The following ANKRD26 variants were observed in gnomAD, a reference collection of about 807,000 sequenced individuals.
ANKRD26 encodes the protein ankyrin repeat domain 26.
In ANKRD26, 141 loss-of-function variants were observed where a neutral mutation model predicts 208.7. The observed-to-expected ratio is 0.68, with a 90% CI of 0.59 to 0.78. The LOEUF (loss-of-function observed/expected upper bound fraction) is 0.78, where lower values mean the gene tolerates loss of function less well. Among genes scored for constraint, ANKRD26 ranks in the 30% least tolerant of loss-of-function variants. ANKRD26 has a pLI of 0.00. For missense variants in ANKRD26, 1,889 were observed against 1,938.7 expected (o/e 0.97, Z 0.48); for synonymous variants, 636 against 660.4 (o/e 0.96, Z 0.57).
intron 5 of ANKRD26, among the ~76,000 whole-genome samples, chr10:27,085,202 G>A (rs1019509048): frequency 1.5e-4 from 23 of 151,974 alleles, no homozygotes; most frequent in African/African-American, 4.8e-4. Context: ...CCAGGTTCAA[G>A]CCATTCTCCT....
In ANKRD26 at chr10:27,093,444, C is replaced by T. The variant is rs756910865; in HGVS notation, c.436G>A (p.Gly146Ser). Residue 146 changes from glycine to serine, a missense_variant, in exon 3 of 34, where the codon GGC (glycine) becomes AGC (serine). This residue lies in a region of ANKRD26 where 1,272 missense variants were observed against 1,273.8 expected (regional missense o/e 1.00). Transcript: ENST00000376087. ...GADPNLADVH[G>S]NTALHYAVYN... ...ACAGCATAGTGAAGAGCAGTGTTGC[C>T]ATGGACATCCGCAAGATTTGGATCA... 15 of 1,614,132 alleles carry T rather than the reference C, an allele frequency of 9.3e-6. No individual in the cohort carries two copies. In the East Asian group the frequency reaches 3.3e-4, roughly 36 times the overall value.
chr10:27,010,179 T>C (rs756193805), intron 32 of ANKRD26, among the ~76,000 whole-genome samples: 13 of 152,216 alleles, frequency 8.5e-5, no homozygotes, highest in Non-Finnish European at 1.3e-4. Context: ...TGAAAGTCAC[T>C]TGACCTGACA....
Position 27,004,933 on chromosome 10 carries a change from G to T in ANKRD26, c.*657C>A. The T allele has an allele frequency of 1.7e-6, 1 of 594,448 alleles. No homozygotes were observed. Among genetic ancestry groups the T allele is most frequent in the Non-Finnish European group, 2.1e-6 (1 of 473,202 alleles). The allele number at this position is 594,448 out of a possible 1,614,324, so 36.8% of individuals were successfully genotyped here. A position where few individuals can be genotyped will look rare whatever the true frequency, so the allele number is the denominator to read the frequency against. On this transcript the variant is annotated 3_prime_UTR_variant, in exon 34 of 34. Coordinates refer to ENST00000376087, the MANE Select transcript of ANKRD26 (RefSeq NM_014915.3). ...TTATGTAGAATGTCCTGACTTGTAG[G>T]AATGCCCACTAAAGTAATCAGGGGT...
At chr10:27,038,123 C>A (rs551848373) in intron 21 of ANKRD26, 69 bp from the exon 22 acceptor site, 14 of 1,286,770 alleles carry the variant, frequency 1.1e-5, no homozygotes, top group African/African-American at 1.5e-5. Context: ...TGTGATATGC[C>A]GCTTTGTATG....
chr10:26,982,686 A>G (rs1352689463), intron 4 of ANKRD26, among the ~76,000 whole-genome samples: 1 of 152,196 alleles, frequency 6.6e-6, no homozygotes. Context: ...CATAAGGGAA[A>G]GTAAACCTGG....
intron 15 of ANKRD26, among the ~76,000 whole-genome samples, chr10:27,055,676 T>C (rs920064592): frequency 8.5e-5 from 13 of 152,176 alleles, no homozygotes; most frequent in African/African-American, 3.1e-4. Context: ...CAAATATTCC[T>C]AGTGAACAAC....
At chr10:26,987,285 T>TG (rs556997180), downstream of ANKRD26, among the ~76,000 whole-genome samples, 1,539 of 150,474 alleles carry the variant, frequency 0.01, 118 homozygotes, top group East Asian at 0.14. Flanking sequence ...TGTTGTGGGG[T>TG]GGGGGTATGG....
chr10:27,030,671 T>G, intron 25 of ANKRD26: 1 of 847,460 alleles, frequency 1.2e-6, no homozygotes, highest in Non-Finnish European at 1.4e-6. Flanking sequence ...ATTGAATAAC[T>G]TTCCTTTACT....
At chr10:27,064,489 A>G (rs1199022230) in intron 11 of ANKRD26, among the ~76,000 whole-genome samples, 1 of 152,200 alleles carries the variant, frequency 6.6e-6, no homozygotes, top group African/African-American at 2.4e-5. Context: ...GAGGGAAAAA[A>G]AAGTGTATTT....
At chr10:26,960,099 C>T in the ANKRD26 span, among the ~76,000 whole-genome samples, 9 of 151,688 alleles carry the variant, frequency 5.9e-5, no homozygotes, top group South Asian at 1.0e-3. Flanking sequence ...GAGTTGGAGG[C>T]GACAGCACCA....
chr10:27,009,311 A>G (rs2053008993), intron 32 of ANKRD26, among the ~76,000 whole-genome samples: 1 of 152,180 alleles, frequency 6.6e-6, no homozygotes, highest in African/African-American at 2.4e-5. Flanking sequence ...CTGTGTTGAC[A>G]AGTCTGGTTT....
chr10:27,000,302 T>C (rs2052693742), downstream of ANKRD26, among the ~76,000 whole-genome samples: 1 of 152,176 alleles, frequency 6.6e-6, no homozygotes. Context: ...AGAATATTCA[T>C]CATAAAAACA....
chr10:26,952,705 C>T, the ANKRD26 span, among the ~76,000 whole-genome samples: 2 of 152,180 alleles, frequency 1.3e-5, no homozygotes, highest in African/African-American at 2.4e-5. Flanking sequence ...TGAAGTTCCT[C>T]AAGACTTCCA....
chr10:27,019,979 C>T (rs926454899), intron 29 of ANKRD26, among the ~76,000 whole-genome samples: 1 of 152,202 alleles, frequency 6.6e-6, no homozygotes, highest in African/African-American at 2.4e-5. Context: ...TCCTAGGCTG[C>T]CTTTGTGTCC....
chr10:27,080,963 C>T (rs1367313207), intron 6 of ANKRD26: 1 of 985,130 alleles, frequency 1.0e-6, no homozygotes, highest in Non-Finnish European at 1.2e-6. Flanking sequence ...GACACCTGCC[C>T]TGGGCCACAG....
At chr10:26,947,903 AGAGTT>A in the ANKRD26 span, among the ~76,000 whole-genome samples, 5 of 152,358 alleles carry the variant, frequency 3.3e-5, 1 homozygote, top group African/African-American at 7.2e-5. Context: ...AGTAAGAAGT[AGAGTT>A]GAGATTTTTC....
At chr10:27,037,413 A>T in intron 22 of ANKRD26, 90 bp from the exon 23 acceptor site, 1 of 1,368,926 alleles carries the variant, frequency 7.3e-7, no homozygotes. Context: ...AAAACTTATA[A>T]AAAGGAAATA....
At chr10:27,051,079 T>C (rs1219232026) in intron 16 of ANKRD26, 11 of 1,254,286 alleles carry the variant, frequency 8.8e-6, no homozygotes, top group Non-Finnish European at 1.1e-5. Context: ...AGTTGGACTT[T>C]TTCTTTCTCC....
At chr10:26,979,360 C>G (rs2052274354) in intron 5 of ANKRD26, among the ~76,000 whole-genome samples, 1 of 152,188 alleles carries the variant, frequency 6.6e-6, no homozygotes, top group Admixed American at 6.5e-5. Flanking sequence ...AGTCTTGACT[C>G]TGGAAACTGA....
Sources: gnomAD v4.1 joint callset for allele counts (sites outside exome capture counted in the v4.1 genomes callset) on GRCh38, gnomAD v4.1.1 for gene constraint, gnomAD v4.1.1 regional missense constraint, MANE v1.5 for transcripts, NCBI Gene and HGNC (gene_info 2026-07-23, HGNC 2026-07-21) for gene names.